TRIT1: variants seen among roughly 807,000 people sequenced by gnomAD.
TRIT1 encodes tRNA dimethylallyltransferase.
A neutral mutation model predicts 51.2 loss-of-function variants in TRIT1; 43 were observed. The observed-to-expected ratio is 0.84, with a 90% CI of 0.66 to 1.08. TRIT1 has a LOEUF of 1.08. Among genes scored for constraint, TRIT1 ranks in the 50% least tolerant of loss-of-function variants. TRIT1 has a pLI of 0.00. For missense variants in TRIT1, 528 were observed against 578.4 expected (o/e 0.91, Z 0.89); for synonymous variants, 184 against 203.9 (o/e 0.90, Z 0.83).
Position 39,847,995 on chromosome 1 carries a change from G to A in TRIT1, c.806C>T (p.Ser269Leu), listed in dbSNP as rs149680997. Reference sequence around the variant, plus strand: ...ACAGCCAAATCCTCACCTATTTTCCGAAACATTCTTCTGATTATAGCGTCT... The same window carrying A: ...ACAGCCAAATCCTCACCTATTTTCCAAAACATTCTTCTGATTATAGCGTCT... ...FHRRYNQKNV[S>L]ENSQDYQHGI... Residue 269 changes from serine to leucine, a missense_variant, in exon 6 of 11, where the codon TCG (serine) becomes TTG (leucine). Transcript: ENST00000316891. The A allele has an allele frequency of 2.1e-5, 34 of 1,613,902 alleles. No homozygotes were observed. Among genetic ancestry groups the A allele is most frequent in the African/African-American group, 6.7e-5 (5 of 75,026 alleles).
chr1:39,870,678 C>T (rs1484585264), intron 1 of TRIT1, among the ~76,000 whole-genome samples: 4 of 149,718 alleles, frequency 2.7e-5, no homozygotes, highest in Non-Finnish European at 4.4e-5. Flanking sequence ...CAGAAGAACA[C>T]GAATTCTCAT....
Position 39,847,289 on chromosome 1 carries a change from C to A in TRIT1, c.937G>T (p.Ala313Ser). Reference sequence around the variant, plus strand: ...TATCTCTTAGTTACTTGTTTCAGAGCCTCAATACCTGAAAGATACAGTAGA... The same window carrying A: ...TATCTCTTAGTTACTTGTTTCAGAGACTCAATACCTGAAAGATACAGTAGA... ...SNQLLKKGIE[A>S]LKQVTKRYAR... The change falls in exon 8 of 11, where the codon GCT becomes TCT. Residue 313 changes from alanine (A) to serine (S), a missense_variant. Ala to Ser is a moderately conservative substitution (Grantham distance 99). This residue lies in a region of TRIT1 where 468 missense variants were observed against 522.6 expected (regional missense o/e 0.90). Transcript: ENST00000316891. 1 of 1,614,004 alleles carries A rather than the reference C, an allele frequency of 6.2e-7. No individual in the cohort carries two copies.
At chr1:39,871,738 G>A (rs1225589891) in intron 1 of TRIT1, among the ~76,000 whole-genome samples, 2 of 152,212 alleles carry the variant, frequency 1.3e-5, no homozygotes. Context: ...AGAGATTGAA[G>A]GAGATAGAGG....
intron 1 of TRIT1, among the ~76,000 whole-genome samples, chr1:39,875,263 G>A (rs1241906062): frequency 1.3e-5 from 2 of 151,974 alleles, no homozygotes. Flanking sequence ...CCCGAGGTGG[G>A]CAGATCACGA....
At chr1:39,848,248 C>T (rs753609051) in intron 5 of TRIT1, 151 bp from the exon 6 acceptor site, 26 of 624,170 alleles carry the variant, frequency 4.2e-5, no homozygotes, top group Non-Finnish European at 6.2e-5. Context: ...ATAATTCATA[C>T]GTTACTCACA....
intron 10 of TRIT1, among the ~76,000 whole-genome samples, chr1:39,843,856 T>A (rs1428786995): frequency 6.6e-6 from 1 of 152,136 alleles, no homozygotes; most frequent in African/African-American, 2.4e-5. Flanking sequence ...TAACTGCAGA[T>A]CTCTTAGTAT....
intron 4 of TRIT1, 192 bp downstream of exon 4, chr1:39,852,539 A>G: frequency 1.5e-6 from 1 of 651,774 alleles, no homozygotes; most frequent in Non-Finnish European, 2.7e-6. Context: ...GTAACAAAGT[A>G]GGCTGCAATT....
At chr1:39,881,299 T>C (rs1644258994) in intron 1 of TRIT1, among the ~76,000 whole-genome samples, 1 of 151,762 alleles carries the variant, frequency 6.6e-6, no homozygotes, top group Admixed American at 6.6e-5. Flanking sequence ...GTGTCATCAG[T>C]GTAACTCCAT....
At position 39,847,020 on chromosome 1, in the gene TRIT1, A is replaced by C. The variant is rs1176149158; in HGVS notation, c.1006+200T>G. On this transcript the variant is annotated intron_variant, in intron 8 of 10. Coordinates refer to ENST00000316891, the MANE Select transcript of TRIT1 (RefSeq NM_017646.6). ...GTTCAAGGCAGAAGGCAGACTCCTC[A>C]ATGCAAATAATTTTTTTTTTTTTTG... 9.0e-6 allele frequency: 5 copies of C among 553,908 alleles called. No individual in the cohort carries two copies. The Admixed American group carries it at 1.6e-4, about 18-fold the overall frequency. 34.3% of individuals were successfully genotyped at this position (553,908 alleles called of 1,614,324 possible). A position where few individuals can be genotyped will look rare whatever the true frequency, so the allele number is the denominator to read the frequency against.
chr1:39,842,484 G>C (rs987081152), intron 10 of TRIT1, among the ~76,000 whole-genome samples: 3 of 152,158 alleles, frequency 2.0e-5, no homozygotes, highest in Non-Finnish European at 4.4e-5. Context: ...CGACTCTCTG[G>C]CAAGATTCCT....
chr1:39,858,159 G>A (rs1488547186), intron 1 of TRIT1, among the ~76,000 whole-genome samples: 1 of 152,202 alleles, frequency 6.6e-6, no homozygotes, highest in African/African-American at 2.4e-5. Flanking sequence ...TGAATACTTT[G>A]AGATTAAATG....
chr1:39,867,392 G>C (rs529723618), intron 1 of TRIT1, among the ~76,000 whole-genome samples: 1 of 152,146 alleles, frequency 6.6e-6, no homozygotes, highest in South Asian at 2.1e-4. Flanking sequence ...TGATCCGCCC[G>C]CCTTGGCTTC....
chr1:39,844,260 A>T, intron 9 of TRIT1, 42 bp from the exon 10 acceptor site: 6 of 1,471,266 alleles, frequency 4.1e-6, no homozygotes, highest in Non-Finnish European at 5.7e-6. Context: ...ATTCAAAGAG[A>T]TCTGGATATA....
At chr1:39,871,720 T>C (rs1003711856) in intron 1 of TRIT1, among the ~76,000 whole-genome samples, 6 of 152,154 alleles carry the variant, frequency 3.9e-5, no homozygotes, top group African/African-American at 1.4e-4. Context: ...AACAGGTAAG[T>C]TGTTGCCAGA....
intron 5 of TRIT1, among the ~76,000 whole-genome samples, chr1:39,848,564 G>A (rs369695600): frequency 9.5e-4 from 144 of 150,914 alleles, no homozygotes; most frequent in African/African-American, 3.3e-3. Flanking sequence ...GGTGGCTCAC[G>A]CCTGTAATCC....
intron 8 of TRIT1, among the ~76,000 whole-genome samples, chr1:39,845,906 G>C (rs904962422): frequency 1.3e-5 from 2 of 152,268 alleles, no homozygotes; most frequent in South Asian, 2.1e-4. Flanking sequence ...CACGAATGAG[G>C]AACAGGCATA....
intron 1 of TRIT1, among the ~76,000 whole-genome samples, chr1:39,867,356 G>C (rs2124652823): frequency 6.6e-6 from 1 of 152,204 alleles, no homozygotes; most frequent in South Asian, 2.1e-4. Flanking sequence ...TGTTGGTCAG[G>C]CTAGTCTCGA....
intron 1 of TRIT1, chr1:39,862,936 C>A: frequency 1.0e-6 from 1 of 985,438 alleles, no homozygotes; most frequent in Non-Finnish European, 1.2e-6. Context: ...TACTTGTGAT[C>A]TGTGTGCATG....
chr1:39,870,513 T>TA (rs60334518), intron 1 of TRIT1, among the ~76,000 whole-genome samples: 3,115 of 78,754 alleles, frequency 0.04, 125 homozygotes, highest in East Asian at 0.23. Flanking sequence ...CAATAAATAC[T>TA]AAAAAAAAAA....
Sources: gnomAD v4.1 joint callset for allele counts (sites outside exome capture counted in the v4.1 genomes callset) on GRCh38, gnomAD v4.1.1 for gene constraint, gnomAD v4.1.1 regional missense constraint, MANE v1.5 for transcripts, NCBI Gene and HGNC (gene_info 2026-07-23, HGNC 2026-07-21) for gene names.